PPP1R14C: variants seen among roughly 807,000 people sequenced by gnomAD.
The protein encoded by PPP1R14C is protein phosphatase 1 regulatory inhibitor subunit 14C, also known as protein phosphatase 1 regulatory subunit 14C.
Under a neutral mutation model 20.4 loss-of-function variants are expected in PPP1R14C, and 16 were observed. That is an observed-to-expected ratio of 0.78 (90% CI 0.53 to 1.19). The LOEUF is 1.19. PPP1R14C is among the 50% of genes most tolerant of loss of function. The pLI, the probability that PPP1R14C is intolerant of heterozygous loss-of-function variation, is 0.00. For synonymous variants in PPP1R14C, 91 were observed against 91.0 expected (o/e 1.00, Z 0.00); for missense variants, 211 against 220.1 (o/e 0.96, Z 0.26).
At chr6:150,194,368 C>T in intron 1 of PPP1R14C, 2 of 787,404 alleles carry the variant, frequency 2.5e-6, no homozygotes, top group Non-Finnish European at 3.1e-6. Context: ...CAGCTTGAGC[C>T]AAGATTTATC....
In PPP1R14C at chr6:150,163,638, TTTG is replaced by T. The variant is rs973852013; in HGVS notation, c.306+20155_306+20157del. 3.9e-5 allele frequency among the ~76,000 whole-genome samples: 6 copies of T among 152,248 alleles called. No homozygotes were observed. In the South Asian group the frequency reaches 6.2e-4, roughly 16 times the overall value. On this transcript the variant is annotated intron_variant, in intron 1 of 3. Transcript: ENST00000361131. ...TCTTAAAAGCTTTTATGTCTGTTTT[TTTG>T]TTGTTGTTGTTGTTCAACATTAGAT... is the stretch of plus-strand genomic sequence containing the variant.
chr6:150,186,716 G>A (rs1262694842), intron 1 of PPP1R14C, among the ~76,000 whole-genome samples: 1 of 152,162 alleles, frequency 6.6e-6, no homozygotes, highest in East Asian at 1.9e-4. Flanking sequence ...TGAAGCTGGG[G>A]ACGGCCTGGA....
intron 1 of PPP1R14C, among the ~76,000 whole-genome samples, chr6:150,213,842 A>G (rs1170488941): frequency 6.6e-6 from 1 of 152,198 alleles, no homozygotes; most frequent in Non-Finnish European, 1.5e-5. Context: ...ATATTAAACT[A>G]GACCCACATT....
chr6:150,198,818 G>T (rs1188114351), intron 1 of PPP1R14C, among the ~76,000 whole-genome samples: 1 of 152,194 alleles, frequency 6.6e-6, no homozygotes, highest in Non-Finnish European at 1.5e-5. Flanking sequence ...CATCAGTTGT[G>T]ATGATTTTGT....
intron 3 of PPP1R14C, among the ~76,000 whole-genome samples, chr6:150,224,489 C>A (rs1006742663): frequency 7.2e-5 from 11 of 152,168 alleles, no homozygotes; most frequent in African/African-American, 2.7e-4. Flanking sequence ...ACATAGAATA[C>A]CTCTCCAATT....
intron 1 of PPP1R14C, among the ~76,000 whole-genome samples, chr6:150,147,040 C>T (rs1392010128): frequency 2.0e-5 from 3 of 151,464 alleles, no homozygotes; most frequent in East Asian, 1.9e-4. Flanking sequence ...TATACAGGTA[C>T]ATTTTCAGCT....
intron 1 of PPP1R14C, among the ~76,000 whole-genome samples, chr6:150,189,549 C>CTTTT (rs5880869): frequency 6.7e-6 from 1 of 148,452 alleles, no homozygotes; most frequent in African/African-American, 2.5e-5. Flanking sequence ...AAACATTCTG[C>CTTTT]TTTTTTTTTT....
At chr6:150,188,332 C>G (rs993051788) in intron 1 of PPP1R14C, among the ~76,000 whole-genome samples, 3 of 152,116 alleles carry the variant, frequency 2.0e-5, no homozygotes, top group African/African-American at 7.2e-5. Flanking sequence ...AATGTTTATA[C>G]AACACATTCT....
At chr6:150,216,029 T>C (rs1387640688) in intron 2 of PPP1R14C, among the ~76,000 whole-genome samples, 1 of 152,232 alleles carries the variant, frequency 6.6e-6, no homozygotes, top group Non-Finnish European at 1.5e-5. Flanking sequence ...TGCCGGGTTA[T>C]ATCCAGTTAA....
intron 3 of PPP1R14C, among the ~76,000 whole-genome samples, chr6:150,241,803 C>T (rs1209496543): frequency 2.6e-5 from 4 of 152,180 alleles, no homozygotes; most frequent in East Asian, 1.9e-4. Context: ...ACAAGAATCG[C>T]TTGAACCCGG....
At chr6:150,228,302 C>G (rs952979013) in intron 3 of PPP1R14C, among the ~76,000 whole-genome samples, 3 of 152,202 alleles carry the variant, frequency 2.0e-5, no homozygotes, top group African/African-American at 7.2e-5. Context: ...CACACGTCCT[C>G]AAAACCAACT....
intron 1 of PPP1R14C, among the ~76,000 whole-genome samples, chr6:150,166,250 T>G (rs896694366): frequency 2.6e-5 from 4 of 151,936 alleles, no homozygotes; most frequent in African/African-American, 9.7e-5. Flanking sequence ...CCGGCTAATT[T>G]TTTGTATTTT....
At chr6:150,171,008 G>A (rs1269150354) in intron 1 of PPP1R14C, among the ~76,000 whole-genome samples, 1 of 151,872 alleles carries the variant, frequency 6.6e-6, no homozygotes, top group African/African-American at 2.4e-5. Flanking sequence ...TCTCTGCCCA[G>A]TCCCCCAACA....
chr6:150,151,436 T>C (rs1777246647), intron 1 of PPP1R14C, among the ~76,000 whole-genome samples: 1 of 152,182 alleles, frequency 6.6e-6, no homozygotes, highest in Non-Finnish European at 1.5e-5. Context: ...CTCTGGAATA[T>C]GAGTCCCCAC....
At chr6:150,156,297 G>T (rs1777305512) in intron 1 of PPP1R14C, among the ~76,000 whole-genome samples, 2 of 152,130 alleles carry the variant, frequency 1.3e-5, no homozygotes, top group South Asian at 2.1e-4. Context: ...ATATTTGAAA[G>T]CAGCAGATAT....
intron 1 of PPP1R14C, among the ~76,000 whole-genome samples, chr6:150,181,553 C>T (rs149235687): frequency 3.7e-4 from 57 of 152,224 alleles, no homozygotes; most frequent in Admixed American, 1.0e-3. Flanking sequence ...TTCTTGTTCC[C>T]CAAGTAATCC....
intron 1 of PPP1R14C, chr6:150,196,185 A>G: frequency 1.1e-6 from 1 of 934,444 alleles, no homozygotes; most frequent in Non-Finnish European, 1.3e-6. Flanking sequence ...TGCCTGGAAC[A>G]GCCTAGAAAC....
chr6:150,154,665 G>A (rs938090784), intron 1 of PPP1R14C, among the ~76,000 whole-genome samples: 9 of 152,218 alleles, frequency 5.9e-5, no homozygotes, highest in African/African-American at 2.2e-4. Context: ...TCACCAAAGG[G>A]CCATCGAATT....
At chr6:150,245,552 C>G (rs953470898) in intron 3 of PPP1R14C, among the ~76,000 whole-genome samples, 7 of 152,184 alleles carry the variant, frequency 4.6e-5, no homozygotes, top group Non-Finnish European at 8.8e-5. Context: ...CCTAGGCCCG[C>G]CAGATCTTCC....
Sources: gnomAD v4.1 joint callset for allele counts (sites outside exome capture counted in the v4.1 genomes callset) on GRCh38, gnomAD v4.1.1 for gene constraint, MANE v1.5 for transcripts, NCBI Gene and HGNC (gene_info 2026-07-23, HGNC 2026-07-21) for gene names.